Variants in PDE4D observed in about 807,000 individuals in gnomAD.
PDE4D encodes the protein 3',5'-cyclic-AMP phosphodiesterase 4D.
Under a neutral mutation model 87.4 loss-of-function variants are expected in PDE4D, and 24 were observed. The observed-to-expected ratio is 0.27, with a 90% CI of 0.20 to 0.39. The LOEUF (loss-of-function observed/expected upper bound fraction) is 0.39, where lower values mean the gene tolerates loss of function less well. PDE4D is among the 10% of genes least tolerant of loss of function. The pLI, the probability that PDE4D is intolerant of heterozygous loss-of-function variation, is 1.00. For synonymous variants in PDE4D, 384 were observed against 383.2 expected (o/e 1.00, Z -0.02); for missense variants, 714 against 1,041.0 (o/e 0.69, Z 4.32).
intron 3 of PDE4D, among the ~76,000 whole-genome samples, chr5:59,934,429 T>C (rs1247367141): frequency 1.3e-5 from 2 of 152,212 alleles, no homozygotes. Context: ...GCTGTGGTTC[T>C]ATCACTCTAA....
chr5:59,828,626 T>C (rs897156426), intron 1 of PDE4D, among the ~76,000 whole-genome samples: 1 of 152,012 alleles, frequency 6.6e-6, no homozygotes, highest in Non-Finnish European at 1.5e-5. Flanking sequence ...CTTATGAAGC[T>C]GGGGGAGCTG....
chr5:60,258,772 A>T (rs1170535055), intron 1 of PDE4D, among the ~76,000 whole-genome samples: 2 of 152,034 alleles, frequency 1.3e-5, no homozygotes, highest in Admixed American at 1.3e-4. Flanking sequence ...TAAGACTTCT[A>T]TGATTTTAAA....
rs571481381 is a variant in PDE4D, at chr5:60,020,606, AT to A, written c.43-31890del. On this transcript the variant is annotated intron_variant, in intron 2 of 16. Transcript: ENST00000502484. ...ATGACAGTGAAAGAAAAAAGATAAT[AT>A]ACAGAGGAGCCCTGAGGCACCACAG... Among the ~76,000 whole-genome samples, 11 of 152,270 alleles carry A rather than the reference AT, an allele frequency of 7.2e-5. No individual in the cohort carries two copies. The East Asian group carries it at 2.1e-3, about 29-fold the overall frequency.
chr5:59,633,265 G>A (rs1292844355), intron 1 of PDE4D, among the ~76,000 whole-genome samples: 3 of 152,200 alleles, frequency 2.0e-5, no homozygotes, highest in East Asian at 3.8e-4. Context: ...CATGTGATTA[G>A]TGTACCTGAA....
chr5:59,167,798 T>C (rs1001950841), intron 5 of PDE4D, among the ~76,000 whole-genome samples: 7 of 152,282 alleles, frequency 4.6e-5, no homozygotes, highest in Admixed American at 4.6e-4. Context: ...TCTAGAGTAA[T>C]GGTCCTGAAG....
In PDE4D at chr5:59,900,247, A is replaced by T. The variant is rs868857757; in HGVS notation, c.272+88241T>A. Among the ~76,000 whole-genome samples, 860 of 110,470 alleles carry T rather than the reference A, an allele frequency of 7.8e-3. 10 individuals carry two copies. Among genetic ancestry groups the T allele is most frequent in the African/African-American group, 0.019 (590 of 30,734 alleles). The allele number at this position is 110,470 out of a possible 152,430, so 72.5% of individuals were successfully genotyped here. ...AGAGCAAGACTCCATATCAAAAAAAAATATATATATATATATACACACACA... is the reference window on the plus strand; with the variant it reads ...AGAGCAAGACTCCATATCAAAAAAATATATATATATATATATACACACACA... On this transcript the variant is annotated intron_variant, in intron 3 of 16. Coordinates refer to the PDE4D transcript ENST00000502484.
At chr5:59,677,668 C>T (rs1301995165) in intron 1 of PDE4D, among the ~76,000 whole-genome samples, 2 of 152,166 alleles carry the variant, frequency 1.3e-5, no homozygotes, top group African/African-American at 4.8e-5. Context: ...CACTTGGTAA[C>T]AGCAGGATGT....
At chr5:59,826,357 G>A (rs1369214268) in intron 1 of PDE4D, among the ~76,000 whole-genome samples, 6 of 152,210 alleles carry the variant, frequency 3.9e-5, no homozygotes, top group African/African-American at 9.6e-5. Flanking sequence ...TAGAAGCTAC[G>A]GAAAGATTAT....
At chr5:59,952,797 G>C (rs1204268950) in intron 3 of PDE4D, among the ~76,000 whole-genome samples, 1 of 152,142 alleles carries the variant, frequency 6.6e-6, no homozygotes, top group Non-Finnish European at 1.5e-5. Context: ...CCCACAGCCA[G>C]CATCAACCAC....
chr5:59,462,682 G>A (rs546209118), intron 1 of PDE4D, among the ~76,000 whole-genome samples: 1 of 152,304 alleles, frequency 6.6e-6, no homozygotes, highest in African/African-American at 2.4e-5. Context: ...ATGGAGCAGA[G>A]AGCAAATAGG....
chr5:60,325,022 C>T (rs1756656712), intron 1 of PDE4D, among the ~76,000 whole-genome samples: 1 of 152,084 alleles, frequency 6.6e-6, no homozygotes, highest in Admixed American at 6.5e-5. Flanking sequence ...GGTGAGGCTC[C>T]CCAGGCTATA....
At chr5:59,223,580 A>C (rs1443265197) in intron 1 of PDE4D, among the ~76,000 whole-genome samples, 1 of 152,044 alleles carries the variant, frequency 6.6e-6, no homozygotes, top group Non-Finnish European at 1.5e-5. Context: ...TATTTTACCC[A>C]TTGTTATCAA....
chr5:59,828,880 G>A (rs1770645800), intron 1 of PDE4D, among the ~76,000 whole-genome samples: 1 of 151,964 alleles, frequency 6.6e-6, no homozygotes, highest in Admixed American at 6.6e-5. Flanking sequence ...TCCTTCCAAG[G>A]GCCAGTTCTG....
rs540294117 is a variant in PDE4D, at chr5:59,696,406, C to T, written c.455+196762G>A. On this transcript the variant is annotated intron_variant, in intron 1 of 14. Transcript: ENST00000340635. ...CACATCCTGGCCCACATGGAGCTTA[C>T]ATTCTATTGAAGGGAGACAGACAAT... Among the ~76,000 whole-genome samples the T allele has an allele frequency of 3.9e-5, 6 of 152,214 alleles. No individual in the cohort carries two copies. In the East Asian group the frequency reaches 9.6e-4, roughly 24 times the overall value.
chr5:59,094,039 G>A (rs898968662), intron 5 of PDE4D, among the ~76,000 whole-genome samples: 8 of 151,868 alleles, frequency 5.3e-5, no homozygotes, highest in Admixed American at 1.3e-4. Flanking sequence ...CCAACATGGT[G>A]AAACCCCATC....
chr5:60,439,965 A>C (rs1016337012), intron 1 of PDE4D, among the ~76,000 whole-genome samples: 3 of 151,598 alleles, frequency 2.0e-5, no homozygotes, highest in African/African-American at 7.3e-5. Context: ...ACTTGGCCTG[A>C]AAGTTCCAGT....
intron 1 of PDE4D, among the ~76,000 whole-genome samples, chr5:59,502,013 G>T (rs1172468675): frequency 1.3e-5 from 2 of 152,146 alleles, no homozygotes; most frequent in African/African-American, 4.8e-5. Context: ...AAACTGTCTT[G>T]TTCTATTAAT....
At chr5:59,229,926 G>A (rs940051314) in intron 1 of PDE4D, among the ~76,000 whole-genome samples, 2 of 152,114 alleles carry the variant, frequency 1.3e-5, no homozygotes, top group African/African-American at 4.8e-5. Flanking sequence ...AGGCCCCCGA[G>A]TAGCTGGGAT....
At chr5:58,988,427 A>T in intron 11 of PDE4D, 66 bp downstream of exon 11, 1 of 559,142 alleles carries the variant, frequency 1.8e-6, no homozygotes. Flanking sequence ...TGAGTTTATA[A>T]AGACCCTTAG....
Sources: allele counts gnomAD v4.1 joint callset (sites outside exome capture counted in the v4.1 genomes callset), GRCh38; gene constraint gnomAD v4.1.1; transcripts MANE v1.5; gene names NCBI Gene and HGNC (gene_info 2026-07-23, HGNC 2026-07-21).